GEMIN5: variants seen among roughly 807,000 people sequenced by gnomAD.
GEMIN5 encodes the protein gem nuclear organelle associated protein 5, also known as gem-associated protein 5.
GEMIN5 carries 124 observed loss-of-function variants against 176.9 expected under a neutral mutation model. The ratio of observed to expected loss-of-function variants is 0.70; its 90% CI spans 0.61 to 0.81. GEMIN5 has a LOEUF of 0.81. Among genes scored for constraint, GEMIN5 ranks in the 40% least tolerant of loss-of-function variants. GEMIN5 has a pLI of 0.00. For missense variants in GEMIN5, 1,843 were observed against 1,814.6 expected (o/e 1.02, Z -0.28); for synonymous variants, 673 against 665.2 (o/e 1.01, Z -0.18).
At chr5:154,907,062 C>A (rs543366910) in intron 16 of GEMIN5, among the ~76,000 whole-genome samples, 1 of 152,256 alleles carries the variant, frequency 6.6e-6, no homozygotes, top group South Asian at 2.1e-4. Context: ...TGTGAGACAT[C>A]TGAGAGCCAT....
Position 154,937,083 on chromosome 5 carries a change from G to A in GEMIN5, c.269C>T (p.Thr90Ile), listed in dbSNP as rs747026600. Residue 90 changes from threonine (T) to isoleucine (I), a missense_variant, in exon 2 of 28, where the codon ACT becomes ATT. Thr to Ile is a moderately conservative substitution (Grantham distance 89). Transcript: ENST00000285873. ...NLCATSSDDG[T>I]VKIWDVETKT... Reference sequence around the variant, plus strand: ...TGTCTCTACATCCCATATTTTCACAGTCCCATCGTCGGAGCTGGTGGCACA... The same window carrying A: ...TGTCTCTACATCCCATATTTTCACAATCCCATCGTCGGAGCTGGTGGCACA... The A allele has an allele frequency of 6.8e-6, 11 of 1,613,738 alleles. No individual in the cohort carries two copies. Among genetic ancestry groups the A allele is most frequent in the Non-Finnish European group, 8.5e-6 (10 of 1,179,780 alleles).
chr5:154,928,084 C>G (rs1470830068), intron 6 of GEMIN5, among the ~76,000 whole-genome samples: 2 of 152,122 alleles, frequency 1.3e-5, no homozygotes, highest in African/African-American at 2.4e-5. Context: ...CTTCTTGAAC[C>G]ATGTGAGTAT....
chr5:154,897,694 C>T (rs914564545), intron 23 of GEMIN5, among the ~76,000 whole-genome samples: 1 of 152,096 alleles, frequency 6.6e-6, no homozygotes, highest in Non-Finnish European at 1.5e-5. Context: ...GCCATGTTGG[C>T]CAGGCTGGTC....
At position 154,892,449 on chromosome 5, in the gene GEMIN5, C is replaced by T. The variant is rs768529762; in HGVS notation, c.3698G>A (p.Arg1233Gln). 34 of 1,614,046 alleles carry T rather than the reference C, an allele frequency of 2.1e-5. No individual in the cohort carries two copies. The highest frequency in any genetic ancestry group is 1.1e-4 in the East Asian group (5 of 44,888). Reference sequence around the variant, plus strand: ...GGTGAAGCTCCCTGAGTCATAGCTCCGGACCACCGCCCGAAGGAGCGCCTG... The same window carrying T: ...GGTGAAGCTCCCTGAGTCATAGCTCTGGACCACCGCCCGAAGGAGCGCCTG... ...AVQALLRAVV[R>Q]SYDSGSFTIM... The change falls in exon 25 of 28, where the codon CGG becomes CAG. Residue 1233 changes from arginine to glutamine, a missense_variant. Transcript: ENST00000285873.
chr5:154,892,903 C>T (rs1040919679), intron 24 of GEMIN5, among the ~76,000 whole-genome samples: 1 of 151,958 alleles, frequency 6.6e-6, no homozygotes, highest in African/African-American at 2.4e-5. Flanking sequence ...TCAAGACCAG[C>T]CTGGCCAACA....
In GEMIN5 at chr5:154,905,259, A is replaced by C. The variant is rs113641096; in HGVS notation, c.2509+104T>G. 6.5e-4 allele frequency: 355 copies of C among 547,192 alleles called. 1 individual carries two copies. The highest frequency in any genetic ancestry group is 6.3e-3 in the African/African-American group (323 of 50,950). 33.9% of individuals were successfully genotyped at this position (547,192 alleles called of 1,614,324 possible). A position where few individuals can be genotyped will look rare whatever the true frequency, so the allele number is the denominator to read the frequency against. On this transcript the variant is annotated intron_variant, in intron 17 of 27. Transcript: ENST00000285873. Reference sequence around the variant, plus strand: ...AACCTACAAATATTTTGAACCTATAAAAACAAACAAGAAACCACACTGTTT... The same window carrying C: ...AACCTACAAATATTTTGAACCTATACAAACAAACAAGAAACCACACTGTTT...
intron 6 of GEMIN5, 121 bp downstream of exon 6, chr5:154,928,406 T>C (rs992268440): frequency 7.3e-6 from 6 of 819,668 alleles, no homozygotes; most frequent in Non-Finnish European, 1.2e-5. Flanking sequence ...TCATAATTTT[T>C]CCATTTCAAA....
intron 3 of GEMIN5, among the ~76,000 whole-genome samples, chr5:154,934,293 C>T (rs2644745): frequency 0.96 from 146,014 of 152,184 alleles, 70,111 homozygotes; most frequent in South Asian, 0.99. Context: ...TTCAAGTGAT[C>T]CTCCTGCCTC....
intron 3 of GEMIN5, among the ~76,000 whole-genome samples, chr5:154,932,957 C>A (rs1196762322): frequency 6.6e-6 from 1 of 152,172 alleles, no homozygotes; most frequent in East Asian, 1.9e-4. Context: ...GTGAACTTAA[C>A]AAAAGTTGCA....
In GEMIN5 at chr5:154,891,051, C is replaced by T. The variant is rs187333700; in HGVS notation, c.4262+190G>A. 0.015 allele frequency among the ~76,000 whole-genome samples: 1,708 copies of T among 114,368 alleles called. 145 individuals are homozygous for T. In the Admixed American group the frequency reaches 0.16, roughly 11 times the overall value. 75.0% of individuals were successfully genotyped at this position (114,368 alleles called of 152,430 possible). On this transcript the variant is annotated intron_variant, in intron 26 of 27. Transcript: ENST00000285873. Reference sequence around the variant, plus strand: ...GATTACAAGCGTGATCCACTGTGCCCGGGCTTTTTTTTTTTTTTTTTTTTT... The same window carrying T: ...GATTACAAGCGTGATCCACTGTGCCTGGGCTTTTTTTTTTTTTTTTTTTTT...
chr5:154,928,222 C>T (rs1305179722), intron 6 of GEMIN5, among the ~76,000 whole-genome samples: 3 of 152,190 alleles, frequency 2.0e-5, no homozygotes, highest in Non-Finnish European at 4.4e-5. Flanking sequence ...CCTTTCTACA[C>T]TTGAAGTGAC....
chr5:154,914,509 CTT>C (rs66537820), intron 13 of GEMIN5, among the ~76,000 whole-genome samples: 322 of 136,198 alleles, frequency 2.4e-3, no homozygotes, highest in Middle Eastern at 3.7e-3. Flanking sequence ...CACTATTTTA[CTT>C]TTTTTTTTTT....
intron 13 of GEMIN5, 44 bp from the exon 14 acceptor site, chr5:154,913,082 C>T (rs192292082): frequency 5.3e-6 from 8 of 1,514,956 alleles, no homozygotes; most frequent in Non-Finnish European, 7.2e-6. Context: ...CTACTAATAA[C>T]AAAAAACAAA....
Position 154,887,903 on chromosome 5 carries a change from T to C in GEMIN5, c.*307A>G. The C allele has an allele frequency of 3.2e-6, 1 of 314,948 alleles. No individual in the cohort carries two copies. The highest frequency in any genetic ancestry group is 3.7e-5 in the South Asian group (1 of 27,060). The allele number at this position is 314,948 out of a possible 1,614,324, so 19.5% of individuals were successfully genotyped here. Reference sequence around the variant, plus strand: ...CACTTTGGGTGACGACAGAAGTTTCTCCTCTTTGGGTGAAACCTGCCTAAG... The same window carrying C: ...CACTTTGGGTGACGACAGAAGTTTCCCCTCTTTGGGTGAAACCTGCCTAAG... On this transcript the variant is annotated 3_prime_UTR_variant, in exon 28 of 28. Transcript: ENST00000285873.
At chr5:154,904,655 T>C (rs1210892725) in intron 17 of GEMIN5, 26 bp from the exon 18 acceptor site, 8 of 1,583,726 alleles carry the variant, frequency 5.1e-6, no homozygotes, top group Non-Finnish European at 6.9e-6. Flanking sequence ...GTACATACTA[T>C]CTGAAGGAGA....
At chr5:154,926,694 T>C (rs1008970297) in intron 7 of GEMIN5, among the ~76,000 whole-genome samples, 11 of 152,164 alleles carry the variant, frequency 7.2e-5, no homozygotes, top group Non-Finnish European at 1.3e-4. Flanking sequence ...GGGTGTCCAA[T>C]CTTTTGGCTT....
In GEMIN5 at chr5:154,938,077, G is replaced by A. The variant is rs1211573038; in HGVS notation, c.57C>T (p.Cys19=). Residue 19 remains cysteine, a synonymous_variant, in exon 1 of 28, where the codon TGC becomes TGT. Coordinates refer to ENST00000285873, the MANE Select transcript of GEMIN5 (RefSeq NM_015465.5). ...AGAGGCCCCCGGGCACGGCATCGCT[G>A]CAGCGGGCGCAGTACCAGTTGGGGG... ...PPSPNWYCAR[C]SDAVPGGLFG... The A allele has an allele frequency of 2.0e-6, 3 of 1,513,616 alleles. No homozygotes were observed. Among genetic ancestry groups the A allele is most frequent in the Admixed American group, 2.2e-5 (1 of 44,704 alleles). 93.8% of individuals were successfully genotyped at this position (1,513,616 alleles called of 1,614,324 possible). A position where few individuals can be genotyped will look rare whatever the true frequency, so the allele number is the denominator to read the frequency against.
At chr5:154,899,890 C>T (rs986133416) in intron 21 of GEMIN5, among the ~76,000 whole-genome samples, 2 of 151,168 alleles carry the variant, frequency 1.3e-5, no homozygotes, top group East Asian at 3.9e-4. Context: ...GAACAAATTA[C>T]AAGCTAAACT....
intron 27 of GEMIN5, 70 bp from the exon 28 acceptor site, chr5:154,888,447 G>T (rs1739339522): frequency 6.7e-6 from 9 of 1,336,440 alleles, no homozygotes; most frequent in Non-Finnish European, 8.4e-6. Context: ...TGCACAGAAG[G>T]CACCAGTCAC....
Sources: gnomAD v4.1 joint callset for allele counts (sites outside exome capture counted in the v4.1 genomes callset) on GRCh38, gnomAD v4.1.1 for gene constraint, MANE v1.5 for transcripts, NCBI Gene and HGNC (gene_info 2026-07-23, HGNC 2026-07-21) for gene names.